The following KLF12 variants were observed in gnomAD, a reference collection of about 807,000 sequenced individuals.
The protein encoded by KLF12 is Krueppel-like factor 12.
A neutral mutation model predicts 37.8 loss-of-function variants in KLF12; 9 were observed. The ratio of observed to expected loss-of-function variants is 0.24; its 90% CI spans 0.14 to 0.42. The LOEUF (loss-of-function observed/expected upper bound fraction) is 0.42. Among genes scored for constraint, KLF12 ranks in the 10% least tolerant of loss-of-function variants. KLF12 has a pLI of 1.00. For missense variants in KLF12, 411 were observed against 516.0 expected (o/e 0.80, Z 1.97); for synonymous variants, 208 against 202.1 (o/e 1.03, Z -0.25).
At chr13:74,250,614 G>A in the KLF12 span, among the ~76,000 whole-genome samples, 1 of 152,162 alleles carries the variant, frequency 6.6e-6, no homozygotes, top group Non-Finnish European at 1.5e-5. Context: ...TTCCTGGTAA[G>A]AGAGTCCAGC....
chr13:73,837,985 A>T (rs1314280828), intron 4 of KLF12, among the ~76,000 whole-genome samples: 1 of 152,212 alleles, frequency 6.6e-6, no homozygotes, highest in Non-Finnish European at 1.5e-5. Context: ...CGAGTCTGTG[A>T]CATGAACGAA....
chr13:74,178,865 G>T, the KLF12 span, among the ~76,000 whole-genome samples: 1 of 152,064 alleles, frequency 6.6e-6, no homozygotes, highest in East Asian at 1.9e-4. Context: ...TGGAAATACT[G>T]GAATTCCATT....
At chr13:74,121,134 CAG>C (rs1247014833) in intron 1 of KLF12, among the ~76,000 whole-genome samples, 3 of 152,070 alleles carry the variant, frequency 2.0e-5, no homozygotes, top group Non-Finnish European at 4.4e-5. Context: ...CACCTAATAA[CAG>C]AGTTTCAAAA....
intron 1 of KLF12, among the ~76,000 whole-genome samples, chr13:74,028,428 T>C (rs1893032042): frequency 6.6e-6 from 1 of 152,184 alleles, no homozygotes; most frequent in African/African-American, 2.4e-5. Flanking sequence ...TAGTAAAGTA[T>C]ACAAAAACTT....
chr13:74,081,310 G>A (rs1566203050), intron 1 of KLF12, among the ~76,000 whole-genome samples: 1 of 151,982 alleles, frequency 6.6e-6, no homozygotes, highest in African/African-American at 2.4e-5. Flanking sequence ...ACAATAAATG[G>A]TGTAAAATAG....
intron 6 of KLF12, among the ~76,000 whole-genome samples, chr13:73,761,241 A>G (rs932010839): frequency 3.3e-5 from 5 of 152,244 alleles, no homozygotes; most frequent in Admixed American, 6.5e-5. Flanking sequence ...TATGCAAGAA[A>G]GAGTGGCAAA....
At chr13:73,811,201 GC>G (rs2138422043) in intron 5 of KLF12, among the ~76,000 whole-genome samples, 1 of 151,706 alleles carries the variant, frequency 6.6e-6, no homozygotes, top group Non-Finnish European at 1.5e-5. Flanking sequence ...GGCCAGGCTG[GC>G]CTTGAACTCC....
chr13:73,960,157 T>C (rs1890974184), intron 2 of KLF12, among the ~76,000 whole-genome samples: 1 of 152,090 alleles, frequency 6.6e-6, no homozygotes, highest in East Asian at 1.9e-4. Flanking sequence ...AATTGAGAAC[T>C]AGATGAATAG....
rs990428889 is a variant in KLF12 at position 73,854,392 on chromosome 13, G to A, written c.124-8019C>T. 2.0e-4 allele frequency among the ~76,000 whole-genome samples: 30 copies of A among 152,284 alleles called. No homozygotes were observed. In the Middle Eastern group the frequency reaches 0.014, roughly 69 times the overall value. ...TTCTATAAAATGTTCACCATAAACAGTTATTTCTTACAACAGTATCTCATA... is the reference window on the plus strand; with the variant it reads ...TTCTATAAAATGTTCACCATAAACAATTATTTCTTACAACAGTATCTCATA... On this transcript the variant is annotated intron_variant, in intron 3 of 7. Coordinates refer to ENST00000377669, the MANE Select transcript of KLF12 (RefSeq NM_007249.5).
chr13:74,303,384 A>C, the KLF12 span, among the ~76,000 whole-genome samples: 1 of 152,068 alleles, frequency 6.6e-6, no homozygotes, highest in South Asian at 2.1e-4. Context: ...TTGGGAGTAC[A>C]CTATTCCCAG....
intron 1 of KLF12, among the ~76,000 whole-genome samples, chr13:74,094,991 A>T (rs922764466): frequency 2.0e-5 from 3 of 152,186 alleles, no homozygotes; most frequent in African/African-American, 7.2e-5. Context: ...TTTTACAGTT[A>T]TCCTACACAT....
the KLF12 span, among the ~76,000 whole-genome samples, chr13:74,266,957 A>T: frequency 2.6e-5 from 4 of 152,172 alleles, no homozygotes; most frequent in Non-Finnish European, 4.4e-5. Flanking sequence ...TTCCATCTGA[A>T]TGCTCTCAGA....
rs1373164574 is a variant in KLF12 at position 73,687,904 on chromosome 13, C to G, written c.*7586G>C. 6.6e-6 allele frequency: 1 copy of G among 152,192 alleles called. No individual in the cohort carries two copies. The highest frequency in any genetic ancestry group is 1.5e-5 in the Non-Finnish European group (1 of 68,038). The allele number at this position is 152,192 out of a possible 1,614,324, so 9.4% of individuals were successfully genotyped here. On this transcript the variant is annotated 3_prime_UTR_variant, in exon 8 of 8. Transcript: ENST00000377669. ...TGAGGCGACTGTTTCCACTATTGAT[C>G]TCTTTTCAACTCACTTCAAGTTGTG...
chr13:73,987,607 CGTGGGAG>C (rs1245771074), intron 2 of KLF12, among the ~76,000 whole-genome samples: 1 of 138,856 alleles, frequency 7.2e-6, no homozygotes. Context: ...AGGGAGCAGA[CGTGGGAG>C]AGGGGAGAGG....
chr13:73,944,221 A>G (rs1448945785), intron 2 of KLF12, 151 bp from the exon 3 acceptor site: 1 of 622,614 alleles, frequency 1.6e-6, no homozygotes, highest in African/African-American at 1.9e-5. Flanking sequence ...CAGCATAACC[A>G]ATTATCCCCC....
At chr13:73,861,953 T>C (rs1032268359) in intron 3 of KLF12, among the ~76,000 whole-genome samples, 3 of 152,152 alleles carry the variant, frequency 2.0e-5, no homozygotes, top group African/African-American at 7.2e-5. Context: ...TATACAAATG[T>C]GTGTGTCTAC....
upstream of KLF12, among the ~76,000 whole-genome samples, chr13:74,134,442 C>G (rs1353904314): frequency 6.6e-6 from 1 of 151,992 alleles, no homozygotes; most frequent in Admixed American, 6.5e-5. Flanking sequence ...AACCCCTCCC[C>G]GCTCGCAGAG....
chr13:74,294,276 T>C, the KLF12 span, among the ~76,000 whole-genome samples: 1 of 152,186 alleles, frequency 6.6e-6, no homozygotes, highest in Non-Finnish European at 1.5e-5. Flanking sequence ...TAGGCACCCA[T>C]CATCCAAATC....
At chr13:73,805,618 G>GAGGGAGGGAGGGAGGGAGGA (rs1882533119) in intron 5 of KLF12, among the ~76,000 whole-genome samples, 1 of 42,024 alleles carries the variant, frequency 2.4e-5, no homozygotes, top group East Asian at 1.3e-3. Context: ...GGAAGGGAGG[G>GAGGGAGGGAGGGAGGGAGGA]AGGGAGGGAG....
Sources: gnomAD v4.1 joint callset for allele counts (sites outside exome capture counted in the v4.1 genomes callset) on GRCh38, gnomAD v4.1.1 for gene constraint, MANE v1.5 for transcripts, NCBI Gene and HGNC (gene_info 2026-07-23, HGNC 2026-07-21) for gene names.